Variants in TCHP observed in about 807,000 individuals in gnomAD.
TCHP encodes trichoplein keratin filament binding.
TCHP carries 81 observed loss-of-function variants against 88.7 expected under a neutral mutation model. That is an observed-to-expected ratio of 0.91 (90% CI 0.76 to 1.10). TCHP has a LOEUF of 1.10. Ranked by LOEUF, TCHP falls within the 50% of genes least tolerant of loss-of-function variation. The pLI is 0.00. For synonymous variants in TCHP, 232 were observed against 232.5 expected (o/e 1.00, Z 0.02); for missense variants, 641 against 632.1 (o/e 1.01, Z -0.15).
the TCHP span, among the ~76,000 whole-genome samples, chr12:109,890,289 C>T: frequency 6.9e-6 from 1 of 144,690 alleles, no homozygotes; most frequent in Admixed American, 6.8e-5. Context: ...ACACAAAAGA[C>T]CTCATCTCTA....
In TCHP at chr12:109,912,913, G is replaced by A. The variant is rs1205157372; in HGVS notation, c.1053-78G>A. On this transcript the variant is annotated intron_variant, in intron 9 of 12. Coordinates refer to ENST00000405876, the MANE Select transcript of TCHP (RefSeq NM_001143852.2). The stretch of plus-strand genomic sequence containing the variant: ...TGGTCCTGCAGAAGCCATGTGCCCT[G>A]CAGCCCTGTCTGTTCCGTAGCTCGC... The A allele has an allele frequency of 2.6e-5, 31 of 1,205,584 alleles. No homozygotes were observed. In the Admixed American group the frequency reaches 4.9e-4, roughly 19 times the overall value. 74.7% of individuals were successfully genotyped at this position (1,205,584 alleles called of 1,614,324 possible).
chr12:109,912,923 C>T (rs2136080873), intron 9 of TCHP, 68 bp from the exon 10 acceptor site: 1 of 1,364,254 alleles, frequency 7.3e-7, no homozygotes, highest in East Asian at 2.3e-5. Flanking sequence ...GCAGCCCTGT[C>T]TGTTCCGTAG....
At chr12:109,893,897 T>C in the TCHP span, among the ~76,000 whole-genome samples, 4 of 152,082 alleles carry the variant, frequency 2.6e-5, no homozygotes, top group South Asian at 2.1e-4. Flanking sequence ...AAAGACTTTA[T>C]TGGAGGCCAG....
chr12:109,904,944 C>T, intron 4 of TCHP, 151 bp downstream of exon 4: 1 of 654,898 alleles, frequency 1.5e-6, no homozygotes, highest in Non-Finnish European at 2.6e-6. Context: ...AGATCTGGCA[C>T]AGGCTGCGCT....
rs1363772002 is a variant in TCHP at position 109,905,694 on chromosome 12, C to T, written c.457-878C>T. Among the ~76,000 whole-genome samples, 2 of 152,174 alleles carry T rather than the reference C, an allele frequency of 1.3e-5. No homozygotes were observed. Among genetic ancestry groups the T allele is most frequent in the Admixed American group, 6.5e-5 (1 of 15,278 alleles). The stretch of plus-strand genomic sequence containing the variant: ...ATTCGTAGTTACATTTAGAAATCGC[C>T]AGGCACTAAATAATGGAACATCTGG... On this transcript the variant is annotated intron_variant, in intron 4 of 12. Transcript: ENST00000405876. The surrounding 1 kb of genome is among the most constrained non-coding windows in gnomAD (Gnocchi z 4.0).
chr12:109,913,097 A>G, intron 10 of TCHP, 25 bp downstream of exon 10: 1 of 1,612,098 alleles, frequency 6.2e-7, no homozygotes, highest in Non-Finnish European at 8.5e-7. Context: ...GGCGATGTGG[A>G]CCGGCTGTTG....
upstream of TCHP, among the ~76,000 whole-genome samples, chr12:109,895,844 T>C (rs1444774754): frequency 2.0e-5 from 3 of 152,192 alleles, no homozygotes; most frequent in Non-Finnish European, 4.4e-5. Flanking sequence ...AGCTCCAACC[T>C]GCGGGTTCCT....
At chr12:109,910,452 GA>G (rs1366503456) in intron 8 of TCHP, among the ~76,000 whole-genome samples, 1 of 152,130 alleles carries the variant, frequency 6.6e-6, no homozygotes, top group East Asian at 1.9e-4. Context: ...GAGTAGCTGG[GA>G]CCATAGGTGT....
At chr12:109,913,770 T>C (rs1227917538) in intron 10 of TCHP, among the ~76,000 whole-genome samples, 1 of 152,236 alleles carries the variant, frequency 6.6e-6, no homozygotes, top group Non-Finnish European at 1.5e-5. Flanking sequence ...GTATGCTGTA[T>C]TTTGGAATCC....
At chr12:109,898,788 C>T (rs1056032265), upstream of TCHP, among the ~76,000 whole-genome samples, 9 of 152,162 alleles carry the variant, frequency 5.9e-5, no homozygotes, top group Non-Finnish European at 8.8e-5. Context: ...CCACCACAGC[C>T]TGCTAATTTT....
rs532933443 is a variant in TCHP, at chr12:109,903,720, A to G, written c.189-217A>G. Among the ~76,000 whole-genome samples, 5 of 152,300 alleles carry G rather than the reference A, an allele frequency of 3.3e-5. No homozygotes were observed. The East Asian group carries it at 9.7e-4, about 29-fold the overall frequency. On this transcript the variant is annotated intron_variant, in intron 2 of 12. Transcript: ENST00000405876. This position sits in a 1 kb window ranked among gnomAD's most constrained non-coding sequence, Gnocchi z 4.6. Reference sequence around the variant, plus strand: ...GTAGGATTTATGTGATGGATAATATATACATTATTTATACATTTATACATT... The same window carrying G: ...GTAGGATTTATGTGATGGATAATATGTACATTATTTATACATTTATACATT...
the TCHP span, among the ~76,000 whole-genome samples, chr12:109,894,184 T>TA: frequency 3.2e-3 from 427 of 134,896 alleles, 2 homozygotes; most frequent in South Asian, 7.8e-3. Context: ...GACTCAGTCT[T>TA]AAAAAAAAAA....
chr12:109,902,162 G>A, intron 1 of TCHP, among the ~76,000 whole-genome samples: 1 of 152,058 alleles, frequency 6.6e-6, no homozygotes, highest in East Asian at 1.9e-4. Flanking sequence ...GGTGCACGCA[G>A]TCCAGAATTT....
In TCHP at chr12:109,914,554, G is replaced by A; in HGVS notation, c.1247G>A (p.Arg416Lys). The change falls in exon 11 of 13, where the codon AGA (arginine) becomes AAA (lysine). Residue 416 changes from arginine (R) to lysine (K), a missense_variant. Physicochemically the swap from Arg to Lys is conservative, Grantham distance 26. Transcript: ENST00000405876. Reference protein sequence around the residue: ...EQLIRNLEEVRELARREKEES... With the variant: ...EQLIRNLEEVKELARREKEES... ...CTTATTCGAAATCTTGAGGAGGTGA[G>A]AGAGTTGGCTCGTCGCGAGAAAGAG... The A allele has an allele frequency of 6.2e-7, 1 of 1,614,096 alleles. No individual in the cohort carries two copies. Among genetic ancestry groups the A allele is most frequent in the Non-Finnish European group, 8.5e-7 (1 of 1,180,038 alleles).
chr12:109,907,829 G>T, intron 6 of TCHP, 130 bp downstream of exon 6: 2 of 1,019,398 alleles, frequency 2.0e-6, no homozygotes, highest in Admixed American at 5.7e-5. Flanking sequence ...GCAGCAGCCG[G>T]GTTCTCCCTC....
the TCHP span, chr12:109,888,005 C>T: frequency 1.3e-5 from 2 of 152,458 alleles, no homozygotes; most frequent in Non-Finnish European, 2.9e-5. Context: ...AACTCTTGGC[C>T]TCAAGCAATC....
chr12:109,909,257 CTG>C (rs1870345121), intron 8 of TCHP, among the ~76,000 whole-genome samples: 1 of 152,194 alleles, frequency 6.6e-6, no homozygotes, highest in Non-Finnish European at 1.5e-5. Flanking sequence ...TTCCCAGTGT[CTG>C]TGTGTATACA....
At position 109,903,022 on chromosome 12, in the gene TCHP, C is replaced by G. The variant is rs369769612; in HGVS notation, c.1-5C>G. On this transcript the variant is annotated splice_region_variant and splice_polypyrimidine_tract_variant and intron_variant, in intron 1 of 12. Transcript: ENST00000405876. The surrounding 1 kb of genome is among the most constrained non-coding windows in gnomAD (Gnocchi z 4.6). ...GGCTCACTTTCCTCCCATTCCTGTTCTCAGATGGCGCTCCCGACGCTGCCG... is the reference window on the plus strand; with the variant it reads ...GGCTCACTTTCCTCCCATTCCTGTTGTCAGATGGCGCTCCCGACGCTGCCG... 1.7e-5 allele frequency: 27 copies of G among 1,592,788 alleles called. 1 individual carries two copies. Among genetic ancestry groups the G allele is most frequent in the Middle Eastern group, 2.0e-4 (1 of 5,016 alleles).
At chr12:109,914,717 G>A in intron 11 of TCHP, 90 bp downstream of exon 11, 1 of 1,150,668 alleles carries the variant, frequency 8.7e-7, no homozygotes, top group Non-Finnish European at 1.2e-6. Context: ...GGACTGCCTG[G>A]CAGGGCTTGC....
Sources: allele counts gnomAD v4.1 joint callset (sites outside exome capture counted in the v4.1 genomes callset), GRCh38; gene constraint gnomAD v4.1.1; non-coding constraint Gnocchi (gnomAD v3.1); transcripts MANE v1.5; gene names NCBI Gene and HGNC (gene_info 2026-07-23, HGNC 2026-07-21).